Variants in NPAS3 observed in about 807,000 individuals in gnomAD.
NPAS3 encodes neuronal PAS domain-containing protein 3.
In NPAS3, 14 loss-of-function variants were observed where a neutral mutation model predicts 73.1. The ratio of observed to expected loss-of-function variants is 0.19; its 90% CI spans 0.13 to 0.30. The LOEUF (loss-of-function observed/expected upper bound fraction) is 0.30, where lower values mean the gene tolerates loss of function less well. NPAS3 is among the 10% of genes least tolerant of loss of function. NPAS3 has a pLI of 1.00. For synonymous variants in NPAS3, 620 were observed against 541.5 expected (o/e 1.14, Z -2.01); for missense variants, 1,096 against 1,250.0 (o/e 0.88, Z 1.86).
chr14:33,786,368 T>G (rs1288494350), intron 9 of NPAS3, among the ~76,000 whole-genome samples: 1 of 152,220 alleles, frequency 6.6e-6, no homozygotes, highest in African/African-American at 2.4e-5. Flanking sequence ...TACCTGTGCC[T>G]CACTACTCAT....
intron 6 of NPAS3, among the ~76,000 whole-genome samples, chr14:33,689,624 A>T (rs1468085583): frequency 6.6e-6 from 1 of 152,132 alleles, no homozygotes; most frequent in Non-Finnish European, 1.5e-5. Flanking sequence ...ATACCCACAG[A>T]TACACACATA....
intron 9 of NPAS3, among the ~76,000 whole-genome samples, chr14:33,788,660 G>T (rs2063253305): frequency 6.6e-6 from 1 of 152,060 alleles, no homozygotes; most frequent in Admixed American, 6.6e-5. Flanking sequence ...CCATATTTCT[G>T]AAGGCAAACT....
intron 3 of NPAS3, among the ~76,000 whole-genome samples, chr14:33,297,837 A>C (rs1433674439): frequency 6.6e-6 from 1 of 152,180 alleles, no homozygotes; most frequent in Non-Finnish European, 1.5e-5. Flanking sequence ...AATGTTATTT[A>C]ACATCACAGC....
At chr14:33,720,882 C>T (rs1010859711) in intron 6 of NPAS3, among the ~76,000 whole-genome samples, 2 of 151,996 alleles carry the variant, frequency 1.3e-5, no homozygotes, top group South Asian at 2.1e-4. Flanking sequence ...GATCTTCAGA[C>T]TTCAGGAAAA....
chr14:33,600,090 C>G (rs1371675369), intron 5 of NPAS3, among the ~76,000 whole-genome samples: 1 of 152,152 alleles, frequency 6.6e-6, no homozygotes, highest in Non-Finnish European at 1.5e-5. Context: ...GGATTTTGCA[C>G]AGAACAAATC....
At chr14:33,692,116 G>A (rs2060251935) in intron 6 of NPAS3, among the ~76,000 whole-genome samples, 1 of 152,172 alleles carries the variant, frequency 6.6e-6, no homozygotes, top group Admixed American at 6.5e-5. Flanking sequence ...GACAATACCT[G>A]CAGAATGATG....
downstream of NPAS3, chr14:33,803,064 G>C (rs1022759795): frequency 5.3e-5 from 8 of 152,164 alleles, no homozygotes; most frequent in Admixed American, 3.3e-4. Context: ...GAAGAATAAT[G>C]CTCAGATATA....
chr14:33,212,655 C>A (rs1312771833), intron 2 of NPAS3, among the ~76,000 whole-genome samples: 1 of 152,098 alleles, frequency 6.6e-6, no homozygotes, highest in Non-Finnish European at 1.5e-5. Context: ...TGATCTTGGG[C>A]TTTGTCTCCC....
chr14:33,784,758 T>TTG (rs2063113915), intron 9 of NPAS3, among the ~76,000 whole-genome samples: 1 of 125,658 alleles, frequency 8.0e-6, no homozygotes, highest in Non-Finnish European at 1.6e-5. Context: ...TTTTTTTTTT[T>TTG]TTTTTTTTTG....
At chr14:33,787,432 T>G (rs1041144200) in intron 9 of NPAS3, among the ~76,000 whole-genome samples, 7 of 152,096 alleles carry the variant, frequency 4.6e-5, no homozygotes, top group Non-Finnish European at 1.0e-4. Flanking sequence ...ATCACACAGA[T>G]AGCAATTCAA....
intron 5 of NPAS3, among the ~76,000 whole-genome samples, chr14:33,636,826 T>C (rs1330428024): frequency 6.6e-6 from 1 of 152,020 alleles, no homozygotes; most frequent in Non-Finnish European, 1.5e-5. Flanking sequence ...ATGAAAATCT[T>C]GTTGTCAGGA....
intron 5 of NPAS3, among the ~76,000 whole-genome samples, chr14:33,653,951 G>C (rs995027462): frequency 5.3e-5 from 8 of 152,128 alleles, no homozygotes. Flanking sequence ...GATTTCTGTG[G>C]TTTGTTCACA....
chr14:32,988,849 A>G (rs543705311), intron 1 of NPAS3, among the ~76,000 whole-genome samples: 9 of 152,324 alleles, frequency 5.9e-5, no homozygotes, highest in African/African-American at 1.9e-4. Flanking sequence ...TTTATTCTAT[A>G]TCTCCAATTA....
At chr14:33,647,630 T>C in intron 5 of NPAS3, among the ~76,000 whole-genome samples, 1 of 152,176 alleles carries the variant, frequency 6.6e-6, no homozygotes, top group Middle Eastern at 3.2e-3. Flanking sequence ...TTTTACCCTC[T>C]GACTCGGCAT....
intron 4 of NPAS3, among the ~76,000 whole-genome samples, chr14:33,486,357 G>A (rs1485236779): frequency 6.6e-6 from 1 of 151,984 alleles, no homozygotes; most frequent in Non-Finnish European, 1.5e-5. Flanking sequence ...CCCTGAGCAT[G>A]CCTTCTTTTT....
intron 3 of NPAS3, among the ~76,000 whole-genome samples, chr14:33,327,245 G>A (rs1456415899): frequency 6.6e-6 from 1 of 152,140 alleles, no homozygotes; most frequent in Admixed American, 6.5e-5. Flanking sequence ...ACCACTTACT[G>A]AATGCACTGT....
chr14:33,435,671 C>CT (rs770168673), intron 4 of NPAS3, among the ~76,000 whole-genome samples: 8 of 152,136 alleles, frequency 5.3e-5, no homozygotes, highest in Admixed American at 1.3e-4. Context: ...GGCCCTGGGA[C>CT]TACATAAATT....
At chr14:33,462,680 C>T (rs2050327124) in intron 4 of NPAS3, among the ~76,000 whole-genome samples, 1 of 152,134 alleles carries the variant, frequency 6.6e-6, no homozygotes, top group Admixed American at 6.6e-5. Context: ...TTGTCACTGG[C>T]ACCTTCCAGC....
At chr14:33,260,949 TC>T (rs2048954023) in intron 3 of NPAS3, among the ~76,000 whole-genome samples, 1 of 152,318 alleles carries the variant, frequency 6.6e-6, no homozygotes, top group African/African-American at 2.4e-5. Context: ...TATTTTGAAA[TC>T]CCCTACTCAT....
Sources: gnomAD v4.1 joint callset for allele counts (sites outside exome capture counted in the v4.1 genomes callset) on GRCh38, gnomAD v4.1.1 for gene constraint, MANE v1.5 for transcripts, NCBI Gene and HGNC (gene_info 2026-07-23, HGNC 2026-07-21) for gene names.